Variants in LPP observed in about 807,000 individuals in gnomAD.
The protein encoded by LPP is LIM domain containing preferred translocation partner in lipoma, also known as lipoma-preferred partner.
In LPP, 38 loss-of-function variants were observed where a neutral mutation model predicts 60.4. That is an observed-to-expected ratio of 0.63 (90% CI 0.49 to 0.83). LPP has a LOEUF of 0.83. Ranked by LOEUF, LPP falls within the 40% of genes least tolerant of loss-of-function variation. LPP has a pLI of 0.00. For missense variants in LPP, 902 were observed against 783.6 expected (o/e 1.15, Z -1.80); for synonymous variants, 328 against 290.8 (o/e 1.13, Z -1.30).
At chr3:188,650,859 G>A (rs1045543949) in intron 7 of LPP, among the ~76,000 whole-genome samples, 2 of 152,128 alleles carry the variant, frequency 1.3e-5, no homozygotes, top group African/African-American at 4.8e-5. Context: ...ACGCCCATTT[G>A]CTTATGTGTT....
chr3:188,334,438 T>A (rs1043904438), intron 2 of LPP, among the ~76,000 whole-genome samples: 11 of 149,308 alleles, frequency 7.4e-5, no homozygotes, highest in African/African-American at 2.5e-4. Context: ...TTTTTTTTTT[T>A]TTTTGAGACG....
intron 3 of LPP, among the ~76,000 whole-genome samples, chr3:188,401,587 C>T (rs969495096): frequency 6.6e-6 from 1 of 152,130 alleles, no homozygotes; most frequent in Admixed American, 6.6e-5. Flanking sequence ...TCTTTGAGCT[C>T]TTTGAGTAAA....
intron 6 of LPP, among the ~76,000 whole-genome samples, chr3:188,527,399 C>T (rs1236823352): frequency 1.4e-5 from 2 of 147,390 alleles, no homozygotes; most frequent in East Asian, 2.0e-4. Flanking sequence ...TAGTTTCCTA[C>T]AGACAGCGTG....
intron 9 of LPP, among the ~76,000 whole-genome samples, chr3:188,851,228 A>C (rs1045421831): frequency 2.0e-5 from 3 of 152,224 alleles, no homozygotes; most frequent in African/African-American, 7.2e-5. Flanking sequence ...CCTCTCTCTG[A>C]CATCACTCTA....
chr3:188,321,132 G>A lies in LPP; in HGVS notation c.-66-20531G>A, dbSNP rs542391056. 3.3e-5 allele frequency among the ~76,000 whole-genome samples: 5 copies of A among 152,294 alleles called. No homozygotes were observed. The South Asian group carries it at 1.0e-3, about 32-fold the overall frequency. On this transcript the variant is annotated intron_variant, in intron 2 of 11. Transcript: ENST00000617246. ...TATTGGGAGAACTGGGTCTGCCTGT[G>A]GGAGTACTTGTATCTCAATCAATAT...
intron 6 of LPP, among the ~76,000 whole-genome samples, chr3:188,602,712 G>T (rs1841621401): frequency 7.8e-6 from 1 of 127,760 alleles, no homozygotes; most frequent in African/African-American, 2.9e-5. Context: ...TTTATTTGAA[G>T]AGAAAGATTA....
At chr3:188,795,716 A>G (rs1238008682) in intron 9 of LPP, among the ~76,000 whole-genome samples, 1 of 152,206 alleles carries the variant, frequency 6.6e-6, no homozygotes, top group Non-Finnish European at 1.5e-5. Context: ...CATCGTCATC[A>G]TCATCGTCAT....
chr3:188,527,403 C>T (rs1820944381), intron 6 of LPP, among the ~76,000 whole-genome samples: 1 of 147,622 alleles, frequency 6.8e-6, no homozygotes, highest in Admixed American at 6.8e-5. Context: ...TTCCTACAGA[C>T]AGCGTGTAGA....
intron 5 of LPP, among the ~76,000 whole-genome samples, chr3:188,493,774 A>G (rs1579330439): frequency 6.6e-6 from 1 of 152,132 alleles, no homozygotes; most frequent in Admixed American, 6.6e-5. Context: ...TTGAAAATAT[A>G]TTTTAATCTT....
At chr3:188,780,297 T>C (rs1234396132) in intron 9 of LPP, among the ~76,000 whole-genome samples, 7 of 152,222 alleles carry the variant, frequency 4.6e-5, no homozygotes, top group African/African-American at 1.7e-4. Context: ...ACAACAATTT[T>C]TTTGGAGCAT....
At chr3:188,290,003 T>A (rs1745382421) in intron 2 of LPP, among the ~76,000 whole-genome samples, 1 of 152,082 alleles carries the variant, frequency 6.6e-6, no homozygotes, top group Non-Finnish European at 1.5e-5. Flanking sequence ...AGGGTTTTTT[T>A]TTTGAGACGG....
chr3:188,875,353 A>T lies in LPP; in HGVS notation c.*874A>T, dbSNP rs1477624560. The T allele has an allele frequency of 9.1e-6, 2 of 218,848 alleles. No homozygotes were observed. The highest frequency in any genetic ancestry group is 6.8e-5 in the East Asian group (1 of 14,764). The allele number at this position is 218,848 out of a possible 1,614,324, so 13.6% of individuals were successfully genotyped here. A position where few individuals can be genotyped will look rare whatever the true frequency, so the allele number is the denominator to read the frequency against. ...TCTTCTAGAAGATAACATTTTCAAT[A>T]CTGTCCCACTTCTCATCTTAAAAAT... is the stretch of plus-strand genomic sequence containing the variant. On this transcript the variant is annotated 3_prime_UTR_variant, in exon 12 of 12. Transcript: ENST00000617246.
intron 8 of LPP, among the ~76,000 whole-genome samples, chr3:188,757,607 G>A (rs938372125): frequency 2.0e-5 from 3 of 152,152 alleles, no homozygotes; most frequent in Non-Finnish European, 4.4e-5. Context: ...ATAGCCCTTC[G>A]TGTACTATGT....
At chr3:188,740,967 A>C (rs939244578) in intron 8 of LPP, among the ~76,000 whole-genome samples, 15 of 151,988 alleles carry the variant, frequency 9.9e-5, no homozygotes, top group Non-Finnish European at 1.9e-4. Flanking sequence ...TGAGGCAAAA[A>C]CATTAATTTG....
Position 188,613,939 on chromosome 3 carries a change from AT to A in LPP, c.1113+4101del, listed in dbSNP as rs1212454893. On this transcript the variant is annotated intron_variant, in intron 7 of 11. Coordinates refer to ENST00000617246, the MANE Select transcript of LPP (RefSeq NM_001375462.1). ...TATTTATTTATTTATTTATTTATTTATTTTTTGAGAGGGAGTCCCATTCTGT... is the reference window on the plus strand; with the variant it reads ...TATTTATTTATTTATTTATTTATTTATTTTTGAGAGGGAGTCCCATTCTGT... Among the ~76,000 whole-genome samples, 4 of 150,482 alleles carry A rather than the reference AT, an allele frequency of 2.7e-5. No individual in the cohort carries two copies. In the East Asian group the frequency reaches 7.7e-4, roughly 29 times the overall value.
intron 5 of LPP, among the ~76,000 whole-genome samples, chr3:188,522,898 G>A (rs1483817928): frequency 7.6e-5 from 11 of 144,168 alleles, no homozygotes; most frequent in Non-Finnish European, 1.6e-4. Flanking sequence ...GTGTGTGTGT[G>A]TGTATATACA....
intron 6 of LPP, among the ~76,000 whole-genome samples, chr3:188,552,138 TA>T (rs1328254412): frequency 6.6e-6 from 1 of 152,232 alleles, no homozygotes; most frequent in Non-Finnish European, 1.5e-5. Flanking sequence ...TGACCAGCTC[TA>T]ATGTTTTACA....
chr3:188,604,498 T>C (rs775040368), intron 6 of LPP, among the ~76,000 whole-genome samples: 20 of 152,080 alleles, frequency 1.3e-4, no homozygotes, highest in Non-Finnish European at 2.4e-4. Flanking sequence ...GGAAAAATAA[T>C]AGTATCAATA....
At chr3:188,726,455 C>T (rs1718426315) in intron 8 of LPP, among the ~76,000 whole-genome samples, 1 of 152,086 alleles carries the variant, frequency 6.6e-6, no homozygotes. Context: ...ACACACTGTT[C>T]TAAGCATTGG....
Sources: gnomAD v4.1 joint callset for allele counts (sites outside exome capture counted in the v4.1 genomes callset) on GRCh38, gnomAD v4.1.1 for gene constraint, MANE v1.5 for transcripts, NCBI Gene and HGNC (gene_info 2026-07-23, HGNC 2026-07-21) for gene names.